CNTN4: variants seen among roughly 807,000 people sequenced by gnomAD.
CNTN4 encodes the protein contactin-4.
CNTN4 carries 77 observed loss-of-function variants against 122.5 expected under a neutral mutation model. The observed-to-expected ratio is 0.63, with a 90% confidence interval of 0.52 to 0.76. CNTN4 has a LOEUF of 0.76. Among genes scored for constraint, CNTN4 ranks in the 30% least tolerant of loss-of-function variants. CNTN4 has a pLI of 0.00. For missense variants in CNTN4, 1,256 were observed against 1,259.1 expected, an observed-to-expected ratio of 1.00 and a Z score of 0.04; for synonymous variants, 512 against 447.0, an observed-to-expected ratio of 1.15 and a Z score of -1.83.
At chr3:2,778,197 G>C (rs1364389145) in intron 6 of CNTN4, among the ~76,000 whole-genome samples, 2 of 119,252 alleles carry the variant, frequency 1.7e-5, no homozygotes, top group Non-Finnish European at 3.6e-5. Flanking sequence ...CTGGGCGACA[G>C]AGCGAGACTC....
chr3:3,036,061 C>T (rs531330122), intron 17 of CNTN4, among the ~76,000 whole-genome samples: 1 of 152,234 alleles, frequency 6.6e-6, no homozygotes, highest in African/African-American at 2.4e-5. Flanking sequence ...TATACCAACC[C>T]CACTCTGTCA....
chr3:2,156,140 G>T (rs879409720), intron 2 of CNTN4, among the ~76,000 whole-genome samples: 1 of 152,046 alleles, frequency 6.6e-6, no homozygotes, highest in Non-Finnish European at 1.5e-5. Flanking sequence ...AAAAATGCTT[G>T]GTATCTTTGA....
At chr3:2,667,572 C>T (rs1559365381) in intron 4 of CNTN4, among the ~76,000 whole-genome samples, 1 of 151,852 alleles carries the variant, frequency 6.6e-6, no homozygotes, top group Non-Finnish European at 1.5e-5. Flanking sequence ...GTTTCTTTTG[C>T]TGTGCAGAAG....
At chr3:2,744,170 C>G (rs2089627883) in intron 5 of CNTN4, among the ~76,000 whole-genome samples, 1 of 152,208 alleles carries the variant, frequency 6.6e-6, no homozygotes, top group African/African-American at 2.4e-5. Flanking sequence ...AAAGGGGTGT[C>G]ACTGCAAAAT....
intron 3 of CNTN4, among the ~76,000 whole-genome samples, chr3:2,469,214 C>T (rs890251112): frequency 6.6e-6 from 1 of 152,138 alleles, no homozygotes; most frequent in African/African-American, 2.4e-5. Context: ...CTAAAATATC[C>T]AAATGTACTA....
At chr3:2,253,114 A>T (rs1197317067) in intron 2 of CNTN4, among the ~76,000 whole-genome samples, 1 of 148,534 alleles carries the variant, frequency 6.7e-6, no homozygotes, top group Non-Finnish European at 1.5e-5. Flanking sequence ...TAGTAGTTTC[A>T]TTTTTTTTTC....
intron 2 of CNTN4, among the ~76,000 whole-genome samples, chr3:2,116,988 A>G (rs542713363): frequency 6.6e-6 from 1 of 152,290 alleles, no homozygotes; most frequent in East Asian, 1.9e-4. Flanking sequence ...CCACACATCA[A>G]GCAAGCAATC....
intron 4 of CNTN4, among the ~76,000 whole-genome samples, chr3:2,618,336 G>C (rs2081858393): frequency 2.0e-5 from 3 of 152,074 alleles, no homozygotes; most frequent in African/African-American, 7.2e-5. Flanking sequence ...GTGTAAATAT[G>C]TGTGTATGTA....
intron 4 of CNTN4, among the ~76,000 whole-genome samples, chr3:2,629,732 G>A (rs1246559794): frequency 6.6e-6 from 1 of 152,108 alleles, no homozygotes; most frequent in Non-Finnish European, 1.5e-5. Context: ...TGTATAATAC[G>A]TGGTGCCTGC....
intron 3 of CNTN4, among the ~76,000 whole-genome samples, chr3:2,435,042 T>C (rs891605217): frequency 1.3e-5 from 2 of 152,166 alleles, no homozygotes; most frequent in Non-Finnish European, 2.9e-5. Context: ...CTTTCCAAAA[T>C]ATGTGAAGCA....
At chr3:2,684,394 CA>C (rs111434212) in intron 4 of CNTN4, among the ~76,000 whole-genome samples, 3,693 of 151,300 alleles carry the variant, frequency 0.024, 102 homozygotes, top group Admixed American at 0.083. Flanking sequence ...CTGCTGGAAA[CA>C]AAAAAAAGGA....
intron 3 of CNTN4, among the ~76,000 whole-genome samples, chr3:2,421,485 C>T (rs983774792): frequency 1.3e-5 from 2 of 152,192 alleles, no homozygotes; most frequent in African/African-American, 2.4e-5. Flanking sequence ...CTCCTGACTT[C>T]AAGTGATCTG....
intron 3 of CNTN4, among the ~76,000 whole-genome samples, chr3:2,488,299 T>C (rs1216095801): frequency 1.3e-5 from 2 of 152,282 alleles, no homozygotes; most frequent in South Asian, 2.1e-4. Flanking sequence ...GGGGAAAAAA[T>C]CCATTCCTAG....
In CNTN4 at chr3:3,037,251, T is replaced by C; in HGVS notation, c.2015T>C (p.Phe672Ser). 6.2e-7 allele frequency: 1 copy of C among 1,614,154 alleles called. No homozygotes were observed. Among genetic ancestry groups the C allele is most frequent in the Non-Finnish European group, 8.5e-7 (1 of 1,180,020 alleles). Residue 672 changes from phenylalanine to serine, a missense_variant, in exon 18 of 25, where the codon TTC (phenylalanine) becomes TCC (serine). Physicochemically the swap from Phe to Ser is radical, Grantham distance 155. Transcript: ENST00000418658. ...VGLNPWVEYE[F>S]RTVAANVIGI... ...TTGAACCCTTGGGTTGAATATGAAT[T>C]CCGCACAGTTGCAGCCAACGTGATT... is the stretch of plus-strand genomic sequence containing the variant.
intron 6 of CNTN4, among the ~76,000 whole-genome samples, chr3:2,807,482 T>A (rs2150112678): frequency 6.6e-6 from 1 of 152,286 alleles, no homozygotes; most frequent in East Asian, 1.9e-4. Context: ...AGAACTTTTT[T>A]TTTTTTGCCC....
At chr3:2,959,292 T>C (rs2094829752) in intron 13 of CNTN4, among the ~76,000 whole-genome samples, 1 of 152,192 alleles carries the variant, frequency 6.6e-6, no homozygotes, top group Non-Finnish European at 1.5e-5. Flanking sequence ...AGTCAGATAA[T>C]GTTTTCAGAG....
chr3:2,252,730 T>G (rs998140994), intron 2 of CNTN4, among the ~76,000 whole-genome samples: 1 of 152,102 alleles, frequency 6.6e-6, no homozygotes, highest in African/African-American at 2.4e-5. Context: ...TAAGTACATC[T>G]TGGCTTGATG....
At chr3:2,848,134 C>T (rs1029304457) in intron 7 of CNTN4, among the ~76,000 whole-genome samples, 8 of 151,960 alleles carry the variant, frequency 5.3e-5, no homozygotes, top group African/African-American at 1.9e-4. Flanking sequence ...ACCTGTAGTC[C>T]CCAGCTACTC....
chr3:2,633,992 C>G (rs2082551614), intron 4 of CNTN4, among the ~76,000 whole-genome samples: 1 of 152,148 alleles, frequency 6.6e-6, no homozygotes, highest in African/African-American at 2.4e-5. Flanking sequence ...CAAATGATAT[C>G]CTATCCCTTA....
Sources: gnomAD v4.1 joint callset for allele counts (sites outside exome capture counted in the v4.1 genomes callset) on GRCh38, gnomAD v4.1.1 for gene constraint, MANE v1.5 for transcripts, NCBI Gene and HGNC (gene_info 2026-07-23, HGNC 2026-07-21) for gene names.